PAX5: variants seen among roughly 807,000 people sequenced by gnomAD.
The protein encoded by PAX5 is paired box 5, also known as paired box protein Pax-5.
A neutral mutation model predicts 43.7 loss-of-function variants in PAX5; 9 were observed. The ratio of observed to expected loss-of-function variants is 0.21; its 90% CI spans 0.12 to 0.36. The LOEUF (loss-of-function observed/expected upper bound fraction) is 0.36, where lower values mean the gene tolerates loss of function less well. PAX5 is among the 10% of genes least tolerant of loss of function. The probability of loss-of-function intolerance (pLI) is 1.00; values close to 1 mark genes in which losing one functional copy is unlikely to be tolerated. For synonymous variants in PAX5, 228 were observed against 214.3 expected (o/e 1.06, Z -0.56); for missense variants, 383 against 532.7 (o/e 0.72, Z 2.77).
chr9:36,949,338 G>A (rs1249854690), intron 6 of PAX5, among the ~76,000 whole-genome samples: 1 of 152,176 alleles, frequency 6.6e-6, no homozygotes, highest in East Asian at 1.9e-4. Context: ...GGGATTACAG[G>A]CGTGAGCCAC....
chr9:36,974,423 T>C (rs1027449959), intron 5 of PAX5, among the ~76,000 whole-genome samples: 1 of 152,182 alleles, frequency 6.6e-6, no homozygotes, highest in Non-Finnish European at 1.5e-5. Context: ...TTCAGTTTCT[T>C]TGACCTTCAG....
intron 5 of PAX5, among the ~76,000 whole-genome samples, chr9:36,986,743 G>C (rs1384567225): frequency 6.6e-6 from 1 of 152,176 alleles, no homozygotes; most frequent in East Asian, 1.9e-4. Context: ...CGGCCTCCCC[G>C]CAGGGACCTC....
chr9:36,966,408 G>A, intron 6 of PAX5, 141 bp downstream of exon 6: 1 of 825,886 alleles, frequency 1.2e-6, no homozygotes, highest in Non-Finnish European at 1.9e-6. Flanking sequence ...GCCCAAGTTT[G>A]GCCAAGAACA....
chr9:37,025,319 C>G (rs1840231445), intron 1 of PAX5, among the ~76,000 whole-genome samples: 1 of 152,160 alleles, frequency 6.6e-6, no homozygotes, highest in Non-Finnish European at 1.5e-5. Context: ...CAGACACGGA[C>G]ATGCTCGCCC....
chr9:36,974,047 G>A lies in PAX5; in HGVS notation c.605-7323C>T, dbSNP rs148242620. On this transcript the variant is annotated intron_variant, in intron 5 of 9. Coordinates refer to ENST00000358127, the MANE Select transcript of PAX5 (RefSeq NM_016734.3). The stretch of plus-strand genomic sequence containing the variant: ...TTTAAAAGTTAGCTGGGGTGTGGTG[G>A]TGCAGGCCTGTAGTCCCAGCTACTT... Among the ~76,000 whole-genome samples, 1,370 of 152,162 alleles carry A rather than the reference G, an allele frequency of 9.0e-3. 18 individuals carry two copies. Among genetic ancestry groups the A allele is most frequent in the African/African-American group, 0.03 (1,260 of 41,490 alleles).
At chr9:36,935,492 C>G (rs1386506085) in intron 6 of PAX5, among the ~76,000 whole-genome samples, 4 of 152,180 alleles carry the variant, frequency 2.6e-5, no homozygotes, top group Non-Finnish European at 1.5e-5. Context: ...TACAGCCTGC[C>G]AGGCCCCCCT....
intron 5 of PAX5, among the ~76,000 whole-genome samples, chr9:36,969,627 C>A (rs897776042): frequency 6.6e-6 from 1 of 152,252 alleles, no homozygotes; most frequent in Non-Finnish European, 1.5e-5. Context: ...CAGAAGCAGA[C>A]TGGCTGCGTC....
At chr9:36,845,302 C>G (rs1478969357) in intron 9 of PAX5, among the ~76,000 whole-genome samples, 1 of 152,238 alleles carries the variant, frequency 6.6e-6, no homozygotes, top group Admixed American at 6.5e-5. Flanking sequence ...TACCCCCACC[C>G]CTGCTGGAAG....
chr9:37,003,178 A>C (rs889150740), intron 4 of PAX5, among the ~76,000 whole-genome samples: 1 of 148,582 alleles, frequency 6.7e-6, no homozygotes, highest in Non-Finnish European at 1.5e-5. Context: ...AAAAAAAAAA[A>C]AAACCTGAAC....
At chr9:37,027,805 TGG>T (rs1840571685) in intron 1 of PAX5, among the ~76,000 whole-genome samples, 1 of 152,236 alleles carries the variant, frequency 6.6e-6, no homozygotes, top group East Asian at 1.9e-4. Flanking sequence ...CAGCCGGCCC[TGG>T]CCCGAAACAC....
chr9:36,950,759 G>A (rs1231980635), intron 6 of PAX5, among the ~76,000 whole-genome samples: 5 of 65,264 alleles, frequency 7.7e-5, no homozygotes, highest in Non-Finnish European at 1.6e-4. Flanking sequence ...TTTTTTTTTT[G>A]AGATGGAGTC....
At chr9:37,024,506 C>G (rs1001703826) in intron 1 of PAX5, among the ~76,000 whole-genome samples, 2 of 152,180 alleles carry the variant, frequency 1.3e-5, no homozygotes. Context: ...CCCCCCACTC[C>G]CCATTGCTAG....
At chr9:36,900,617 C>A (rs184438991) in intron 7 of PAX5, among the ~76,000 whole-genome samples, 1 of 152,292 alleles carries the variant, frequency 6.6e-6, no homozygotes, top group East Asian at 1.9e-4. Context: ...TCACCACTCA[C>A]TCCCCCACTC....
At chr9:37,021,297 T>C (rs902453507) in intron 1 of PAX5, among the ~76,000 whole-genome samples, 7 of 152,266 alleles carry the variant, frequency 4.6e-5, no homozygotes, top group Non-Finnish European at 7.4e-5. Context: ...TAATCAGCAA[T>C]CTAATTCAAG....
intron 7 of PAX5, among the ~76,000 whole-genome samples, chr9:36,899,966 T>C (rs1348750055): frequency 6.6e-6 from 1 of 152,236 alleles, no homozygotes; most frequent in Non-Finnish European, 1.5e-5. Context: ...ATGGATGGGC[T>C]ATGGGAGATA....
chr9:36,887,872 A>G (rs1448254484), intron 7 of PAX5, among the ~76,000 whole-genome samples: 2 of 152,378 alleles, frequency 1.3e-5, no homozygotes, highest in East Asian at 1.9e-4. Flanking sequence ...TTTGCAAATC[A>G]TATGTCTGAT....
chr9:36,907,978 T>C (rs899302969), intron 7 of PAX5, among the ~76,000 whole-genome samples: 63 of 152,106 alleles, frequency 4.1e-4, no homozygotes, highest in African/African-American at 1.3e-3. Context: ...GGTGGGAGGA[T>C]TGCTCGAGCC....
intron 6 of PAX5, among the ~76,000 whole-genome samples, chr9:36,937,757 G>T (rs902493014): frequency 6.6e-6 from 1 of 152,186 alleles, no homozygotes; most frequent in African/African-American, 2.4e-5. Context: ...AGGTTTAGCC[G>T]CAGATGTTGT....
At chr9:36,985,164 G>T (rs920951653) in intron 5 of PAX5, among the ~76,000 whole-genome samples, 3 of 152,194 alleles carry the variant, frequency 2.0e-5, no homozygotes, top group African/African-American at 7.2e-5. Context: ...ATGGGGGGTG[G>T]GGTGGTGATT....
Sources: allele counts gnomAD v4.1 joint callset (sites outside exome capture counted in the v4.1 genomes callset), GRCh38; gene constraint gnomAD v4.1.1; transcripts MANE v1.5; gene names NCBI Gene and HGNC (gene_info 2026-07-23, HGNC 2026-07-21).